Variants in ELL2 observed in about 807,000 individuals in gnomAD.
ELL2 encodes elongation factor for RNA polymerase II 2, also known as RNA polymerase II elongation factor ELL2.
Under a neutral mutation model 72.8 loss-of-function variants are expected in ELL2, and 21 were observed. The observed-to-expected ratio is 0.29, with a 90% CI of 0.20 to 0.42. The LOEUF (loss-of-function observed/expected upper bound fraction) is 0.42, where lower values mean the gene tolerates loss of function less well. ELL2 is among the 10% of genes least tolerant of loss of function. The pLI is 1.00. For synonymous variants in ELL2, 266 were observed against 283.2 expected (o/e 0.94, Z 0.61); for missense variants, 568 against 772.8 (o/e 0.73, Z 3.14).
chr5:95,892,456 T>C (rs1748703556), intron 9 of ELL2, among the ~76,000 whole-genome samples: 1 of 152,188 alleles, frequency 6.6e-6, no homozygotes, highest in Non-Finnish European at 1.5e-5. Flanking sequence ...CTATTACATA[T>C]TACAGTATTA....
At chr5:95,928,253 T>C (rs1353961486) in intron 2 of ELL2, among the ~76,000 whole-genome samples, 1 of 152,168 alleles carries the variant, frequency 6.6e-6, no homozygotes, top group Non-Finnish European at 1.5e-5. Flanking sequence ...GGAAGAGAAG[T>C]GAGACAGCCA....
chr5:95,944,464 G>A lies in ELL2; in HGVS notation c.148-1415C>T, dbSNP rs114317710. On this transcript the variant is annotated intron_variant, in intron 1 of 11. Coordinates refer to ENST00000237853, the MANE Select transcript of ELL2 (RefSeq NM_012081.6). ...GCTTTTTAAAAAGGAAAAATAAAAA[G>A]GTAGTACCTGAATTTTTAAAATCCA... 2.7e-3 allele frequency among the ~76,000 whole-genome samples: 411 copies of A among 152,236 alleles called. 1 individual carries two copies. The highest frequency in any genetic ancestry group is 9.6e-3 in the African/African-American group (400 of 41,536).
chr5:95,895,744 A>G, intron 8 of ELL2, 53 bp from the exon 9 acceptor site: 1 of 1,325,118 alleles, frequency 7.5e-7, no homozygotes, highest in Non-Finnish European at 1.1e-6. Context: ...AAGGTTATCA[A>G]ATGCCTGTAA....
chr5:95,941,065 G>T (rs1482525843), intron 2 of ELL2, among the ~76,000 whole-genome samples: 1 of 152,070 alleles, frequency 6.6e-6, no homozygotes, highest in Non-Finnish European at 1.5e-5. Context: ...AAAGAGTGGG[G>T]GGTTGAGACA....
intron 2 of ELL2, among the ~76,000 whole-genome samples, chr5:95,941,294 T>C (rs973205751): frequency 1.3e-5 from 2 of 152,130 alleles, no homozygotes; most frequent in Admixed American, 6.5e-5. Flanking sequence ...GAAGAGAAAG[T>C]AGAGCAGGCA....
At chr5:95,945,938 G>T (rs373824363) in intron 1 of ELL2, among the ~76,000 whole-genome samples, 7 of 152,248 alleles carry the variant, frequency 4.6e-5, no homozygotes, top group East Asian at 1.9e-4. Flanking sequence ...TTAAGTTTCA[G>T]ACCTCAGGAT....
chr5:95,945,416 G>A (rs1011361944), intron 1 of ELL2, among the ~76,000 whole-genome samples: 4 of 152,110 alleles, frequency 2.6e-5, no homozygotes, highest in African/African-American at 4.8e-5. Context: ...TACAGTTGGC[G>A]CCTATGCCCC....
chr5:95,954,067 A>C (rs1444735930), intron 1 of ELL2, among the ~76,000 whole-genome samples: 1 of 152,218 alleles, frequency 6.6e-6, no homozygotes, highest in South Asian at 2.1e-4. Context: ...TTTCCTCAAA[A>C]CGTCAACAAT....
chr5:95,911,991 G>A (rs891287128), intron 4 of ELL2, among the ~76,000 whole-genome samples: 1 of 152,146 alleles, frequency 6.6e-6, no homozygotes, highest in Non-Finnish European at 1.5e-5. Context: ...CTTAGGAGAG[G>A]GGAGGTATAA....
intron 2 of ELL2, among the ~76,000 whole-genome samples, chr5:95,941,056 A>G (rs1022577887): frequency 7.2e-5 from 11 of 152,106 alleles, no homozygotes; most frequent in African/African-American, 2.7e-4. Flanking sequence ...GAATAATGAA[A>G]AGAGTGGGGG....
At chr5:95,927,400 T>TAC (rs147145672) in intron 2 of ELL2, among the ~76,000 whole-genome samples, 7,475 of 29,328 alleles carry the variant, frequency 0.25, 2,222 homozygotes, top group East Asian at 0.41. Context: ...TATATAGACA[T>TAC]ACACACACGT....
chr5:95,919,639 A>G (rs1749971189), intron 2 of ELL2, 94 bp from the exon 3 acceptor site: 1 of 1,421,478 alleles, frequency 7.0e-7, no homozygotes, highest in African/African-American at 1.5e-5. Flanking sequence ...AGTGAAAATC[A>G]TTTTAGACCT....
rs753897796 is a variant in ELL2, at chr5:95,919,510, T to C, written c.231A>G (p.Glu77=). Residue 77 remains glutamate, a synonymous_variant, in exon 3 of 12, where the codon GAA becomes GAG. Coordinates refer to ENST00000237853, the MANE Select transcript of ELL2 (RefSeq NM_012081.6). ...VKIPKNDPLN[E]VHNFNFYLSN... ...ACAAATAAAAGTTAAAGTTATGAAC[T>C]TCATTGAGGGGATCATTTTTGGGAA... is the stretch of plus-strand genomic sequence containing the variant. The C allele has an allele frequency of 8.2e-6, 13 of 1,576,682 alleles. No homozygotes were observed. The African/African-American group carries it at 1.8e-4, about 22-fold the overall frequency.
At chr5:95,899,297 A>G (rs924073553) in intron 7 of ELL2, among the ~76,000 whole-genome samples, 1 of 152,232 alleles carries the variant, frequency 6.6e-6, no homozygotes, top group East Asian at 1.9e-4. Flanking sequence ...GTAAAGGGCA[A>G]TAGCCTGCAC....
At chr5:95,890,837 TC>T (rs1748633868) in intron 10 of ELL2, 15 of 449,572 alleles carry the variant, frequency 3.3e-5, no homozygotes, top group South Asian at 2.8e-4. Context: ...CAACTTTTTT[TC>T]CTATTTAGTT....
intron 7 of ELL2, among the ~76,000 whole-genome samples, chr5:95,899,366 A>G (rs1561491260): frequency 6.6e-6 from 1 of 152,202 alleles, no homozygotes; most frequent in Non-Finnish European, 1.5e-5. Context: ...GCTGTCATTT[A>G]TCATTCCACC....
intron 2 of ELL2, among the ~76,000 whole-genome samples, chr5:95,933,433 A>G (rs1271293806): frequency 6.6e-6 from 1 of 152,206 alleles, no homozygotes; most frequent in East Asian, 1.9e-4. Flanking sequence ...AATGTTAGGT[A>G]GCTATTTAAA....
In ELL2 at chr5:95,961,552, A is replaced by AGCCT. The variant is rs201260087; in HGVS notation, c.147+19_147+22dup. 3,651 of 1,558,430 alleles carry AGCCT rather than the reference A, an allele frequency of 2.3e-3. 83 individuals are homozygous for AGCCT. The African/African-American group carries it at 0.045, about 19-fold the overall frequency. On this transcript the variant is annotated intron_variant, in intron 1 of 11. Transcript: ENST00000237853. ...GGGTGCGCTCTGCCTCTCTGAGCCCAGCCTGCCGGCCGGCCCGCTCACCTT... is the reference window on the plus strand; with the variant it reads ...GGGTGCGCTCTGCCTCTCTGAGCCCAGCCTGCCTGCCGGCCGGCCCGCTCACCTT...
rs769437503 is a variant in ELL2, at chr5:95,906,717, A to G, written c.547T>C (p.Ser183Pro). 6.2e-6 allele frequency: 10 copies of G among 1,613,908 alleles called. No individual in the cohort carries two copies. The highest frequency in any genetic ancestry group is 8.5e-6 in the Non-Finnish European group (10 of 1,179,894). Residue 183 changes from serine to proline, a missense_variant, in exon 5 of 12, where the codon TCA becomes CCA. Ser to Pro is a moderately conservative substitution (Grantham distance 74). Around this residue, in one of 2 missense-constraint regions of ELL2, gnomAD observed 511 missense variants for 728.4 expected, o/e 0.70. Transcript: ENST00000237853. Reference sequence around the variant, plus strand: ...GTATTTGCAGGGTTCATGGGGGTTGACCTTTTCCTCTCAGGAACTGTATCT... The same window carrying G: ...GTATTTGCAGGGTTCATGGGGGTTGGCCTTTTCCTCTCAGGAACTGTATCT... ...VSDTVPERKR[S>P]TPMNPANTIR...
Sources: gnomAD v4.1 joint callset for allele counts (sites outside exome capture counted in the v4.1 genomes callset) on GRCh38, gnomAD v4.1.1 for gene constraint, gnomAD v4.1.1 regional missense constraint, MANE v1.5 for transcripts, NCBI Gene and HGNC (gene_info 2026-07-23, HGNC 2026-07-21) for gene names.